RPE: variants seen among roughly 807,000 people sequenced by gnomAD.
The protein encoded by RPE is ribulose-5-phosphate-3-epimerase, also known as ribulose-phosphate 3-epimerase.
A neutral mutation model predicts 24.6 loss-of-function variants in RPE; 16 were observed. The observed-to-expected ratio is 0.65, with a 90% CI of 0.44 to 0.99. The LOEUF (loss-of-function observed/expected upper bound fraction) is 0.99, where lower values mean the gene tolerates loss of function less well. Among genes scored for constraint, RPE ranks in the 50% least tolerant of loss-of-function variants. RPE has a pLI of 0.00. For synonymous variants in RPE, 93 were observed against 98.4 expected (o/e 0.94, Z 0.33); for missense variants, 240 against 294.5 (o/e 0.81, Z 1.35).
At chr2:210,006,383 A>G (rs2093631124) in intron 1 of RPE, among the ~76,000 whole-genome samples, 1 of 152,054 alleles carries the variant, frequency 6.6e-6, no homozygotes, top group East Asian at 1.9e-4. Context: ...CCTTTTTGTT[A>G]TGGCTTAGCG....
chr2:210,003,022 G>A (rs2093582937), intron 1 of RPE, among the ~76,000 whole-genome samples: 1 of 152,130 alleles, frequency 6.6e-6, no homozygotes, highest in African/African-American at 2.4e-5. Flanking sequence ...CACGTAACGT[G>A]TGGTCTTCCA....
chr2:210,009,487 A>G (rs2093673368), intron 1 of RPE, among the ~76,000 whole-genome samples, 170 bp from the exon 2 acceptor site: 1 of 152,250 alleles, frequency 6.6e-6, no homozygotes. Flanking sequence ...GACATTGCCT[A>G]GTAAAACCAA....
chr2:210,015,926 G>A, intron 2 of RPE, 47 bp from the exon 3 acceptor site: 1 of 1,599,364 alleles, frequency 6.3e-7, no homozygotes, highest in East Asian at 2.2e-5. Flanking sequence ...CCAATAACAT[G>A]AGCCAGGTAT....
At chr2:210,018,538 T>C in intron 5 of RPE, 1 of 985,252 alleles carries the variant, frequency 1.0e-6, no homozygotes, top group Non-Finnish European at 1.2e-6. Flanking sequence ...GGTTCTTGTA[T>C]AACTGCCACA....
At chr2:210,018,396 C>CTTTTTTTTTT (rs369682905) in intron 5 of RPE, 1 of 389,520 alleles carries the variant, frequency 2.6e-6, no homozygotes, top group Non-Finnish European at 3.4e-6. Context: ...CTTTTTTTTA[C>CTTTTTTTTTT]TTTTTTTTTT....
Position 210,002,649 on chromosome 2 carries a change from G to A in RPE, c.-13G>A. The A allele has an allele frequency of 6.2e-7, 1 of 1,610,908 alleles. No individual in the cohort carries two copies. Among genetic ancestry groups the A allele is most frequent in the Non-Finnish European group, 8.5e-7 (1 of 1,177,544 alleles). ...GGGGACTCGTGGGTAACTTGCTTTTGGGAGCCAGCGGTATGGCGTCGGGCT... is the reference window on the plus strand; with the variant it reads ...GGGGACTCGTGGGTAACTTGCTTTTAGGAGCCAGCGGTATGGCGTCGGGCT... On this transcript the variant is annotated 5_prime_UTR_variant, in exon 1 of 6. Transcript: ENST00000359429.
chr2:210,008,263 C>G (rs1039187770), intron 1 of RPE, among the ~76,000 whole-genome samples: 1 of 150,794 alleles, frequency 6.6e-6, no homozygotes, highest in African/African-American at 2.4e-5. Context: ...ATGGTACTTG[C>G]ATATAGGGGA....
intron 1 of RPE, among the ~76,000 whole-genome samples, chr2:210,007,274 G>C (rs1274500297): frequency 6.6e-6 from 1 of 152,164 alleles, no homozygotes; most frequent in Non-Finnish European, 1.5e-5. Flanking sequence ...CTAACTGTGA[G>C]ACCTTAAACA....
At chr2:210,009,577 C>T (rs1056657342) in intron 1 of RPE, 80 bp from the exon 2 acceptor site, 5 of 1,544,098 alleles carry the variant, frequency 3.2e-6, no homozygotes, top group Non-Finnish European at 4.5e-6. Context: ...ATCCCCTCAA[C>T]CTGTGTCAGA....
chr2:210,002,929 C>T, intron 1 of RPE, 146 bp downstream of exon 1: 2 of 1,490,318 alleles, frequency 1.3e-6, no homozygotes, highest in South Asian at 1.2e-5. Flanking sequence ...GGGGTAGGAG[C>T]CCTGGAGGCT....
At chr2:210,006,365 T>C (rs1055140769) in intron 1 of RPE, among the ~76,000 whole-genome samples, 2 of 152,210 alleles carry the variant, frequency 1.3e-5, no homozygotes, top group Admixed American at 6.5e-5. Flanking sequence ...GTGCTTAGGA[T>C]TGTAGCCCCT....
At chr2:210,005,075 C>T (rs1428338343) in intron 1 of RPE, among the ~76,000 whole-genome samples, 2 of 151,840 alleles carry the variant, frequency 1.3e-5, no homozygotes, top group East Asian at 3.9e-4. Context: ...GGAGATTCAG[C>T]TTCTTCCCTG....
At chr2:210,018,463 A>G (rs1424876278) in intron 5 of RPE, 4 of 984,172 alleles carry the variant, frequency 4.1e-6, no homozygotes, top group Non-Finnish European at 4.8e-6. Context: ...CCCTTCTGGT[A>G]GCACTGCAAG....
chr2:210,018,882 C>T (rs566225157), intron 5 of RPE, among the ~76,000 whole-genome samples: 4 of 152,112 alleles, frequency 2.6e-5, no homozygotes, highest in Non-Finnish European at 5.9e-5. Flanking sequence ...TTTATAATTT[C>T]TGTGAGGAAT....
chr2:210,012,290 A>G (rs955075831), intron 2 of RPE, among the ~76,000 whole-genome samples: 1 of 152,190 alleles, frequency 6.6e-6, no homozygotes, highest in African/African-American at 2.4e-5. Context: ...TCATAATCCT[A>G]AGAAATTATT....
chr2:210,012,264 T>C (rs1209277965), intron 2 of RPE, among the ~76,000 whole-genome samples: 2 of 152,132 alleles, frequency 1.3e-5, no homozygotes, highest in African/African-American at 4.8e-5. Flanking sequence ...TCCATGAGAG[T>C]ATATCAAAAC....
intron 1 of RPE, 124 bp downstream of exon 1, chr2:210,002,907 T>C: frequency 1.9e-6 from 3 of 1,561,704 alleles, no homozygotes; most frequent in Non-Finnish European, 2.6e-6. Flanking sequence ...AACGCGATGC[T>C]AGAAGGGGTG....
intron 4 of RPE, among the ~76,000 whole-genome samples, chr2:210,017,176 C>CT (rs374549258): frequency 2.6e-5 from 4 of 152,176 alleles, no homozygotes; most frequent in African/African-American, 9.7e-5. Flanking sequence ...ACTATTATCT[C>CT]TAACTTTTAG....
At position 210,019,967 on chromosome 2, in the gene RPE, A is replaced by ATAAC. The variant is rs1450378447; in HGVS notation, c.*179_*182dup. 2.8e-6 allele frequency: 2 copies of ATAAC among 714,382 alleles called. No individual in the cohort carries two copies. Among genetic ancestry groups the ATAAC allele is most frequent in the African/African-American group, 3.6e-5 (2 of 54,828 alleles). 44.3% of individuals were successfully genotyped at this position (714,382 alleles called of 1,614,324 possible). On this transcript the variant is annotated 3_prime_UTR_variant, in exon 6 of 6. Transcript: ENST00000359429. ...TCTAAGAGGTCAGAAATTGGTGTGT[A>ATAAC]TAACTACATTTTTAGTGATGCAATT...
Sources: gnomAD v4.1 joint callset for allele counts (sites outside exome capture counted in the v4.1 genomes callset) on GRCh38, gnomAD v4.1.1 for gene constraint, MANE v1.5 for transcripts, NCBI Gene and HGNC (gene_info 2026-07-23, HGNC 2026-07-21) for gene names.